PPA2: variants seen among roughly 807,000 people sequenced by gnomAD.
PPA2 encodes inorganic pyrophosphatase 2.
Under a neutral mutation model 49.5 loss-of-function variants are expected in PPA2, and 48 were observed. That is an observed-to-expected ratio of 0.97 (90% confidence interval 0.77 to 1.23). The LOEUF (loss-of-function observed/expected upper bound fraction) is 1.23, where lower values mean the gene tolerates loss of function less well. Among genes scored for constraint, PPA2 ranks in the 50% most tolerant of loss-of-function variants. The pLI is 0.00. For missense variants in PPA2, 429 were observed against 410.1 expected, an observed-to-expected ratio of 1.05 and a Z score of -0.40; for synonymous variants, 131 against 139.9, an observed-to-expected ratio of 0.94 and a Z score of 0.45.
intron 7 of PPA2, among the ~76,000 whole-genome samples, chr4:105,418,043 G>C (rs1723090813): frequency 6.6e-6 from 1 of 152,190 alleles, no homozygotes; most frequent in Non-Finnish European, 1.5e-5. Flanking sequence ...CATTGAAGTT[G>C]TGTGAAGATT....
At chr4:105,372,027 C>T (rs1299869217) in intron 10 of PPA2, among the ~76,000 whole-genome samples, 2 of 152,194 alleles carry the variant, frequency 1.3e-5, no homozygotes, top group African/African-American at 4.8e-5. Context: ...CCCACCGGCC[C>T]CTGCAGAAGT....
chr4:105,405,151 C>G, intron 7 of PPA2: 1 of 596,896 alleles, frequency 1.7e-6, no homozygotes, highest in Non-Finnish European at 2.1e-6. Context: ...AAATACTAAA[C>G]AGATTTTCAT....
At chr4:105,388,208 GAAT>G (rs1553924309) in intron 9 of PPA2, among the ~76,000 whole-genome samples, 4 of 151,990 alleles carry the variant, frequency 2.6e-5, no homozygotes, top group Non-Finnish European at 5.9e-5. Flanking sequence ...CACTTACATG[GAAT>G]AATATTTGTT....
intron 7 of PPA2, among the ~76,000 whole-genome samples, chr4:105,414,682 G>A (rs1722924617): frequency 6.6e-6 from 1 of 152,240 alleles, no homozygotes; most frequent in Non-Finnish European, 1.5e-5. Flanking sequence ...TGGGATCCCT[G>A]AAGGGGCCCA....
intron 1 of PPA2, among the ~76,000 whole-genome samples, chr4:105,459,509 C>G (rs1723001558): frequency 1.3e-5 from 2 of 152,174 alleles, no homozygotes; most frequent in Admixed American, 1.3e-4. Context: ...AACAGTTTGG[C>G]TGTTTCTTGT....
At chr4:105,402,832 A>T (rs2110400044) in intron 7 of PPA2, among the ~76,000 whole-genome samples, 2 of 152,310 alleles carry the variant, frequency 1.3e-5, no homozygotes, top group South Asian at 4.1e-4. Context: ...ACGTAGTTGT[A>T]TGGAGGTAGT....
intron 7 of PPA2, among the ~76,000 whole-genome samples, chr4:105,421,346 T>C (rs1469547775): frequency 1.3e-5 from 2 of 152,198 alleles, no homozygotes; most frequent in African/African-American, 4.8e-5. Flanking sequence ...TGATAAGATC[T>C]GAGAAGATGA....
intron 1 of PPA2, among the ~76,000 whole-genome samples, chr4:105,465,357 A>G (rs1288386668): frequency 6.6e-6 from 1 of 152,178 alleles, no homozygotes; most frequent in Non-Finnish European, 1.5e-5. Context: ...GATATCATCA[A>G]AATTATGGAA....
intron 7 of PPA2, among the ~76,000 whole-genome samples, chr4:105,409,281 G>A (rs1174043663): frequency 1.3e-5 from 2 of 152,210 alleles, no homozygotes; most frequent in African/African-American, 4.8e-5. Flanking sequence ...CCACACCCAC[G>A]GAGCCTTGTT....
chr4:105,427,630 C>T (rs1391029089), intron 6 of PPA2, among the ~76,000 whole-genome samples: 5 of 151,894 alleles, frequency 3.3e-5, no homozygotes, highest in Middle Eastern at 3.4e-3. Context: ...TGAAATAAAG[C>T]GAGAAGACAA....
intron 7 of PPA2, among the ~76,000 whole-genome samples, chr4:105,404,911 C>A (rs1722390371): frequency 1.3e-5 from 2 of 152,000 alleles, no homozygotes; most frequent in Non-Finnish European, 2.9e-5. Flanking sequence ...GAAACCCTGT[C>A]TCTACTAAAA....
chr4:105,427,050 G>A (rs933627692), intron 6 of PPA2, among the ~76,000 whole-genome samples: 4 of 152,180 alleles, frequency 2.6e-5, no homozygotes, highest in Admixed American at 6.5e-5. Flanking sequence ...TGATACCCAG[G>A]CAAACAGGGT....
At chr4:105,384,477 T>C (rs111733025) in intron 10 of PPA2, among the ~76,000 whole-genome samples, 12 of 152,304 alleles carry the variant, frequency 7.9e-5, no homozygotes, top group African/African-American at 2.9e-4. Flanking sequence ...TATAGAAACT[T>C]TGAGCCTCTC....
chr4:105,391,346 A>G (rs1325367949), intron 9 of PPA2, among the ~76,000 whole-genome samples: 11 of 147,934 alleles, frequency 7.4e-5, no homozygotes, highest in Admixed American at 7.4e-4. Flanking sequence ...TAAAGTAACA[A>G]AAAAAAAAAA....
chr4:105,472,555 AATC>A (rs2110338121), intron 1 of PPA2, among the ~76,000 whole-genome samples: 1 of 152,306 alleles, frequency 6.6e-6, no homozygotes, highest in Non-Finnish European at 1.5e-5. Flanking sequence ...TATTCCCATT[AATC>A]ATCACATGGT....
intron 1 of PPA2, among the ~76,000 whole-genome samples, chr4:105,470,790 G>A (rs1723491886): frequency 6.6e-6 from 1 of 152,152 alleles, no homozygotes; most frequent in Admixed American, 6.5e-5. Context: ...TATTTACGGA[G>A]AAACTGAGCT....
At chr4:105,378,665 A>G (rs1733355524) in intron 10 of PPA2, among the ~76,000 whole-genome samples, 1 of 152,160 alleles carries the variant, frequency 6.6e-6, no homozygotes, top group African/African-American at 2.4e-5. Flanking sequence ...TGTCTAACCC[A>G]AAGTCAAAAT....
At chr4:105,455,766 C>G (rs1722851858) in intron 2 of PPA2, among the ~76,000 whole-genome samples, 1 of 152,140 alleles carries the variant, frequency 6.6e-6, no homozygotes, top group Admixed American at 6.5e-5. Flanking sequence ...GGTCAAACAA[C>G]CCTTGCATCT....
At chr4:105,408,143 T>C (rs548835933) in intron 7 of PPA2, among the ~76,000 whole-genome samples, 1 of 152,002 alleles carries the variant, frequency 6.6e-6, no homozygotes, top group African/African-American at 2.4e-5. Flanking sequence ...AACAAAACAG[T>C]GTGGGAGTGA....
Sources: allele counts gnomAD v4.1 joint callset (sites outside exome capture counted in the v4.1 genomes callset), GRCh38; gene constraint gnomAD v4.1.1; transcripts MANE v1.5; gene names NCBI Gene and HGNC (gene_info 2026-07-23, HGNC 2026-07-21).